Variants in MAP3K4 observed in about 807,000 individuals in gnomAD.
The protein encoded by MAP3K4 is mitogen-activated protein kinase kinase kinase 4.
Under a neutral mutation model 185.6 loss-of-function variants are expected in MAP3K4, and 67 were observed. The ratio of observed to expected loss-of-function variants is 0.36; its 90% CI spans 0.30 to 0.44. The LOEUF is 0.44. Among genes scored for constraint, MAP3K4 ranks in the 20% least tolerant of loss-of-function variants. The pLI is 1.00. For missense variants in MAP3K4, 1,551 were observed against 1,995.1 expected (o/e 0.78, Z 4.24); for synonymous variants, 702 against 710.4 (o/e 0.99, Z 0.19).
At chr6:161,041,093 C>T (rs778187905) in intron 2 of MAP3K4, among the ~76,000 whole-genome samples, 5 of 152,182 alleles carry the variant, frequency 3.3e-5, no homozygotes, top group Non-Finnish European at 7.3e-5. Context: ...TAGGAGAAGG[C>T]CAAGGTGGAG....
In MAP3K4 at chr6:161,070,835, CTT is replaced by C; in HGVS notation, c.1936_1937del (p.Leu646GlufsTer3). 1 of 1,612,480 alleles carries C rather than the reference CTT, an allele frequency of 6.2e-7. No homozygotes were observed. The highest frequency in any genetic ancestry group is 8.5e-7 in the Non-Finnish European group (1 of 1,179,208). On this transcript the variant is annotated frameshift_variant, in exon 4 of 27. Coordinates refer to ENST00000392142, the MANE Select transcript of MAP3K4 (RefSeq NM_005922.4). LOFTEE classifies it high-confidence loss of function. This position sits in a 1 kb window ranked among gnomAD's most constrained non-coding sequence, Gnocchi z 4.5. ...EQRPAGEPSL[L>X]SIKQLVRECK... Reference sequence around the variant, plus strand: ...AGAGACCTGCTGGAGAACCATCTCTCTTGAGTATTAAGCAGGTTTGCTTCAAA... The same window carrying C: ...AGAGACCTGCTGGAGAACCATCTCTCGAGTATTAAGCAGGTTTGCTTCAAA...
chr6:161,029,055 C>G (rs75080354), intron 1 of MAP3K4, among the ~76,000 whole-genome samples: 3,417 of 152,250 alleles, frequency 0.022, 136 homozygotes, highest in African/African-American at 0.079. Flanking sequence ...GAAAATCTAT[C>G]CCTTCTGCCT....
chr6:161,109,366 T>C lies in MAP3K4; in HGVS notation c.4237-389T>C, dbSNP rs1432906377. On this transcript the variant is annotated intron_variant, in intron 22 of 26. Coordinates refer to ENST00000392142, the MANE Select transcript of MAP3K4 (RefSeq NM_005922.4). This position sits in a 1 kb window ranked among gnomAD's most constrained non-coding sequence, Gnocchi z 5.7. ...GCTTCCAGGGGAAGTTGGAAATGGA[T>C]CATTTTTAATGTTTTTACAAATTAT... Among the ~76,000 whole-genome samples, 2 of 152,210 alleles carry C rather than the reference T, an allele frequency of 1.3e-5. No individual in the cohort carries two copies. Among genetic ancestry groups the C allele is most frequent in the Non-Finnish European group, 2.9e-5 (2 of 68,042 alleles).
rs1280797007 is a variant in MAP3K4, at chr6:161,073,211, T to G, written c.1951-255T>G. 2 of 310,326 alleles carry G rather than the reference T, an allele frequency of 6.4e-6. No homozygotes were observed. The highest frequency in any genetic ancestry group is 1.2e-5 in the Non-Finnish European group (2 of 172,076). The allele number at this position is 310,326 out of a possible 1,614,324, so 19.2% of individuals were successfully genotyped here. ...GAATTTATTTTAGCAAAGCAGTAAT[T>G]GCCTATATGGTATTTTCTCTGTGTA... On this transcript the variant is annotated intron_variant, in intron 4 of 26. Coordinates refer to ENST00000392142, the MANE Select transcript of MAP3K4 (RefSeq NM_005922.4). The surrounding 1 kb of genome is among the most constrained non-coding windows in gnomAD (Gnocchi z 4.2).
At chr6:161,014,213 A>AGC (rs1305770506) in intron 1 of MAP3K4, among the ~76,000 whole-genome samples, 1 of 152,158 alleles carries the variant, frequency 6.6e-6, no homozygotes, top group Non-Finnish European at 1.5e-5. Context: ...AAGACAAAGG[A>AGC]GCGCCCTTTC....
In MAP3K4 at chr6:161,075,809, T is replaced by A. The variant is rs527644536; in HGVS notation, c.2097+2197T>A. On this transcript the variant is annotated intron_variant, in intron 5 of 26. Transcript: ENST00000392142. This position sits in a 1 kb window ranked among gnomAD's most constrained non-coding sequence, Gnocchi z 4.3. ...TTGGCATTACTGTCAATTATCCACA[T>A]CTCTCTTCTTACAGATGAAAAAACT... 1.3e-5 allele frequency among the ~76,000 whole-genome samples: 2 copies of A among 152,290 alleles called. No homozygotes were observed. The highest frequency in any genetic ancestry group is 3.9e-4 in the East Asian group (2 of 5,180).
rs1179345243 is a variant in MAP3K4 at position 161,117,115 on chromosome 6, C to A, written c.*245C>A. 2.0e-6 allele frequency: 1 copy of A among 512,018 alleles called. No homozygotes were observed. Among genetic ancestry groups the A allele is most frequent in the Non-Finnish European group, 3.5e-6 (1 of 288,098 alleles). 31.7% of individuals were successfully genotyped at this position (512,018 alleles called of 1,614,324 possible). On this transcript the variant is annotated 3_prime_UTR_variant, in exon 27 of 27. Transcript: ENST00000392142. ...AAGTGCCATTACTACTGTACACGGA[C>A]CATCGCCTCTGTCTCCTCCGTGTCT... is the stretch of plus-strand genomic sequence containing the variant.
chr6:161,111,994 T>G (rs951708117), intron 24 of MAP3K4, 36 bp downstream of exon 24: 1 of 1,610,542 alleles, frequency 6.2e-7, no homozygotes, highest in South Asian at 1.1e-5. Context: ...GCACTCTGAC[T>G]TCATGCAGCC....
rs1447623695 is a variant in MAP3K4 at position 161,101,134 on chromosome 6, A to G, written c.3675-758A>G. 1 of 152,186 alleles carries G rather than the reference A, an allele frequency of 6.6e-6. No individual in the cohort carries two copies. The highest frequency in any genetic ancestry group is 1.5e-5 in the Non-Finnish European group (1 of 68,034). The allele number at this position is 152,186 out of a possible 1,614,324, so 9.4% of individuals were successfully genotyped here. ...TATTTGAGGTTCTTTGATTATTCGAATTACAATTTTAACACATTCCCTATT... is the reference window on the plus strand; with the variant it reads ...TATTTGAGGTTCTTTGATTATTCGAGTTACAATTTTAACACATTCCCTATT... On this transcript the variant is annotated intron_variant, in intron 17 of 26. Transcript: ENST00000392142. This position sits in a 1 kb window ranked among gnomAD's most constrained non-coding sequence, Gnocchi z 5.1.
Position 161,075,885 on chromosome 6 carries a change from A to G in MAP3K4, c.2097+2273A>G, listed in dbSNP as rs1040053410. Among the ~76,000 whole-genome samples the G allele has an allele frequency of 6.6e-6, 1 of 152,242 alleles. No individual in the cohort carries two copies. The highest frequency in any genetic ancestry group is 6.5e-5 in the Admixed American group (1 of 15,288). ...TGGCCTATAATGTGCTAGAAGGATC[A>G]GGGCAAAGGTGTGTTCTGAGGACTA... On this transcript the variant is annotated intron_variant, in intron 5 of 26. Coordinates refer to ENST00000392142, the MANE Select transcript of MAP3K4 (RefSeq NM_005922.4). This position sits in a 1 kb window ranked among gnomAD's most constrained non-coding sequence, Gnocchi z 4.3.
intron 3 of MAP3K4, among the ~76,000 whole-genome samples, chr6:161,068,223 A>AAC (rs765585664): frequency 1.4e-4 from 21 of 152,222 alleles, no homozygotes; most frequent in Non-Finnish European, 2.4e-4. Context: ...TGATAAATAC[A>AAC]ACAGAGGAAG....
chr6:161,025,286 C>G (rs1459494705), intron 1 of MAP3K4, among the ~76,000 whole-genome samples: 1 of 152,220 alleles, frequency 6.6e-6, no homozygotes. Context: ...CCAAAATTCT[C>G]TTATTGGAGA....
Position 161,091,112 on chromosome 6 carries a change from T to A in MAP3K4, c.2974-267T>A, listed in dbSNP as rs1777283985. On this transcript the variant is annotated intron_variant, in intron 11 of 26. Transcript: ENST00000392142. The surrounding 1 kb of genome is among the most constrained non-coding windows in gnomAD (Gnocchi z 5.5). ...AGGAGAAAACAACAGGTGGTTGATGTATAAAAATATTGAAGATAAAAGCAT... is the reference window on the plus strand; with the variant it reads ...AGGAGAAAACAACAGGTGGTTGATGAATAAAAATATTGAAGATAAAAGCAT... Among the ~76,000 whole-genome samples, 1 of 152,230 alleles carries A rather than the reference T, an allele frequency of 6.6e-6. No individual in the cohort carries two copies. The highest frequency in any genetic ancestry group is 2.4e-5 in the African/African-American group (1 of 41,466).
intron 2 of MAP3K4, among the ~76,000 whole-genome samples, chr6:161,040,178 A>G (rs1040340265): frequency 3.3e-5 from 5 of 152,154 alleles, no homozygotes; most frequent in African/African-American, 9.7e-5. Context: ...AGCTGTTTAA[A>G]TTTGCCTATT....
Position 161,114,755 on chromosome 6 carries a change from T to C in MAP3K4, c.4627-368T>C, listed in dbSNP as rs948056728. 6.6e-6 allele frequency among the ~76,000 whole-genome samples: 1 copy of C among 152,200 alleles called. No homozygotes were observed. ...AAGAGAATTGGGTTTTATAGACTTTTTTATGTCATTTTATATATTTTTTAG... is the reference window on the plus strand; with the variant it reads ...AAGAGAATTGGGTTTTATAGACTTTCTTATGTCATTTTATATATTTTTTAG... On this transcript the variant is annotated intron_variant, in intron 25 of 26. Coordinates refer to ENST00000392142, the MANE Select transcript of MAP3K4 (RefSeq NM_005922.4). The surrounding 1 kb of genome is among the most constrained non-coding windows in gnomAD (Gnocchi z 4.3).
At position 161,080,063 on chromosome 6, in the gene MAP3K4, G is replaced by T. The variant is rs1056659946; in HGVS notation, c.2098-818G>T. ...GCAGTGGTGGGTGGGCGCTCAGGTT[G>T]GCGACAGACTGCTTCACGCTGAGTC... On this transcript the variant is annotated intron_variant, in intron 5 of 26. Transcript: ENST00000392142. The surrounding 1 kb of genome is among the most constrained non-coding windows in gnomAD (Gnocchi z 4.8). 6.6e-6 allele frequency among the ~76,000 whole-genome samples: 1 copy of T among 152,164 alleles called. No individual in the cohort carries two copies. Among genetic ancestry groups the T allele is most frequent in the African/African-American group, 2.4e-5 (1 of 41,440 alleles).
At chr6:161,020,671 A>AT (rs1782343182) in intron 1 of MAP3K4, among the ~76,000 whole-genome samples, 1 of 150,084 alleles carries the variant, frequency 6.7e-6, no homozygotes. Context: ...AAAAAAAAAA[A>AT]AAACAAGAAA....
At chr6:161,033,563 A>G (rs1356789933) in intron 1 of MAP3K4, among the ~76,000 whole-genome samples, 2 of 151,172 alleles carry the variant, frequency 1.3e-5, no homozygotes, top group African/African-American at 4.9e-5. Context: ...TGAGTTCTGC[A>G]CTGTGGTTTT....
chr6:161,009,312 G>C (rs1488205829), intron 1 of MAP3K4, among the ~76,000 whole-genome samples: 1 of 152,114 alleles, frequency 6.6e-6, no homozygotes, highest in Non-Finnish European at 1.5e-5. Flanking sequence ...CAGTTCAGTA[G>C]CGTTGTTAAG....
Sources: allele counts gnomAD v4.1 joint callset (sites outside exome capture counted in the v4.1 genomes callset), GRCh38; gene constraint gnomAD v4.1.1; non-coding constraint Gnocchi (gnomAD v3.1); transcripts MANE v1.5; gene names NCBI Gene and HGNC (gene_info 2026-07-23, HGNC 2026-07-21).